Variants in NTM observed in about 807,000 individuals in gnomAD.
The protein encoded by NTM is IgLON family member 2.
A neutral mutation model predicts 42.1 loss-of-function variants in NTM; 13 were observed. That is an observed-to-expected ratio of 0.31 (90% CI 0.20 to 0.49). The LOEUF (loss-of-function observed/expected upper bound fraction) is 0.49, where lower values mean the gene tolerates loss of function less well. Among genes scored for constraint, NTM ranks in the 20% least tolerant of loss-of-function variants. The pLI is 0.99. For synonymous variants in NTM, 187 were observed against 179.2 expected (o/e 1.04, Z -0.35); for missense variants, 373 against 452.8 (o/e 0.82, Z 1.60).
chr11:131,412,172 G>C (rs529550621), intron 1 of NTM, among the ~76,000 whole-genome samples: 9 of 152,286 alleles, frequency 5.9e-5, no homozygotes, highest in African/African-American at 1.9e-4. Flanking sequence ...GGAAACTCCT[G>C]CCAGAAGGGA....
chr11:131,595,992 C>T (rs2059781870), intron 1 of NTM, among the ~76,000 whole-genome samples: 1 of 152,220 alleles, frequency 6.6e-6, no homozygotes, highest in African/African-American at 2.4e-5. Flanking sequence ...ATTGCAGTCA[C>T]CATCTGCATG....
At position 132,310,747 on chromosome 11, in the gene NTM, T is replaced by C. The variant is rs531864081; in HGVS notation, c.782+515T>C. 2.6e-5 allele frequency among the ~76,000 whole-genome samples: 4 copies of C among 152,266 alleles called. No individual in the cohort carries two copies. The South Asian group carries it at 6.2e-4, about 24-fold the overall frequency. ...TCCCTTTGTGCCCAAGTTGTTCTTT[T>C]ACTGTAGGAGAAAAGAGAAGGGACT... On this transcript the variant is annotated intron_variant, in intron 6 of 8. Transcript: ENST00000683400.
At chr11:131,556,716 C>T (rs1007465304) in intron 1 of NTM, among the ~76,000 whole-genome samples, 7 of 151,798 alleles carry the variant, frequency 4.6e-5, no homozygotes, top group South Asian at 2.1e-4. Flanking sequence ...TACAGGCATG[C>T]GCCACCACAC....
At chr11:131,469,225 G>T (rs750391241) in intron 1 of NTM, among the ~76,000 whole-genome samples, 1 of 152,266 alleles carries the variant, frequency 6.6e-6, no homozygotes, top group Admixed American at 6.5e-5. Context: ...CTCTGTGAAT[G>T]CTTCTGTAAG....
At chr11:131,585,688 A>AG (rs1246741624) in intron 1 of NTM, among the ~76,000 whole-genome samples, 1 of 152,006 alleles carries the variant, frequency 6.6e-6, no homozygotes, top group African/African-American at 2.4e-5. Flanking sequence ...GCCTCTATGT[A>AG]GGGCATTTCA....
Position 131,956,370 on chromosome 11 carries a change from G to A in NTM, c.167+44722G>A, listed in dbSNP as rs2061556158. ...CATTAAAAAGGCATTTGGGAGTGCGGGGATATGGAGAAAGATGATGAGCTT... is the reference window on the plus strand; with the variant it reads ...CATTAAAAAGGCATTTGGGAGTGCGAGGATATGGAGAAAGATGATGAGCTT... On this transcript the variant is annotated intron_variant, in intron 2 of 8. Coordinates refer to ENST00000683400, the MANE Select transcript of NTM (RefSeq NM_001352005.2). Among the ~76,000 whole-genome samples the A allele has an allele frequency of 5.3e-5, 8 of 152,138 alleles. No individual in the cohort carries two copies. The South Asian group carries it at 1.7e-3, about 32-fold the overall frequency.
intron 1 of NTM, among the ~76,000 whole-genome samples, chr11:131,658,721 G>A (rs2067545799): frequency 6.6e-6 from 1 of 152,192 alleles, no homozygotes; most frequent in African/African-American, 2.4e-5. Context: ...TGTAATTCCA[G>A]CACTTTGGGA....
intron 3 of NTM, among the ~76,000 whole-genome samples, chr11:132,184,490 G>A (rs1488406341): frequency 1.3e-5 from 2 of 152,124 alleles, no homozygotes; most frequent in East Asian, 3.9e-4. Flanking sequence ...GCTTAAGGTG[G>A]AGAGCTGCTT....
intron 1 of NTM, among the ~76,000 whole-genome samples, chr11:131,695,084 G>A (rs900182836): frequency 6.6e-6 from 1 of 152,160 alleles, no homozygotes; most frequent in African/African-American, 2.4e-5. Flanking sequence ...CAGGGGAAAC[G>A]CACGATGCGT....
chr11:132,293,581 T>A (rs956549433), intron 4 of NTM, among the ~76,000 whole-genome samples: 1 of 152,086 alleles, frequency 6.6e-6, no homozygotes, highest in Non-Finnish European at 1.5e-5. Flanking sequence ...CATAGATGAC[T>A]GGAGATTTAC....
At chr11:132,192,937 C>A (rs2079548636) in intron 3 of NTM, among the ~76,000 whole-genome samples, 2 of 152,150 alleles carry the variant, frequency 1.3e-5, no homozygotes, top group Non-Finnish European at 2.9e-5. Context: ...GGGCTCAATT[C>A]AACAAGAAAA....
At chr11:131,487,619 T>C (rs924805810) in intron 1 of NTM, among the ~76,000 whole-genome samples, 5 of 152,202 alleles carry the variant, frequency 3.3e-5, no homozygotes, top group Non-Finnish European at 5.9e-5. Flanking sequence ...CAAGTGAAGA[T>C]ATGGTATTGA....
At chr11:131,552,808 A>G (rs1592028845) in intron 1 of NTM, among the ~76,000 whole-genome samples, 1 of 104,040 alleles carries the variant, frequency 9.6e-6, no homozygotes, top group South Asian at 4.6e-4. Flanking sequence ...ACAGAGCAAG[A>G]CTCCGTCTCA....
chr11:131,660,759 C>A (rs1565388650), intron 1 of NTM: 3 of 765,096 alleles, frequency 3.9e-6, no homozygotes, highest in East Asian at 6.5e-5. Context: ...GGAGACTGGG[C>A]CCTGGGGATA....
chr11:131,708,960 C>T (rs1224157475), intron 1 of NTM, among the ~76,000 whole-genome samples: 3 of 152,066 alleles, frequency 2.0e-5, no homozygotes, highest in Non-Finnish European at 4.4e-5. Context: ...TGAATTGTAA[C>T]GGTCCTCACT....
At chr11:131,525,293 G>C (rs944796106) in intron 1 of NTM, among the ~76,000 whole-genome samples, 7 of 152,192 alleles carry the variant, frequency 4.6e-5, no homozygotes. Flanking sequence ...GCCCATCACA[G>C]GGCATTGGCA....
intron 1 of NTM, among the ~76,000 whole-genome samples, chr11:131,616,740 G>T (rs1443796403): frequency 1.3e-5 from 2 of 151,648 alleles, no homozygotes; most frequent in African/African-American, 4.9e-5. Flanking sequence ...AGGAAACTCA[G>T]ATTGAGACAG....
intron 4 of NTM, among the ~76,000 whole-genome samples, chr11:132,291,060 T>TG (rs1365947734): frequency 6.6e-6 from 1 of 152,230 alleles, no homozygotes; most frequent in African/African-American, 2.4e-5. Flanking sequence ...GTGTTTGGGA[T>TG]GATGGTATCG....
At chr11:132,065,342 T>C (rs1790171) in intron 2 of NTM, among the ~76,000 whole-genome samples, 102,423 of 152,028 alleles carry the variant, frequency 0.67, 35,905 homozygotes, top group African/African-American at 0.84. Flanking sequence ...TAGTTTTCTG[T>C]CTCCTCAAAC....
Sources: allele counts gnomAD v4.1 joint callset (sites outside exome capture counted in the v4.1 genomes callset), GRCh38; gene constraint gnomAD v4.1.1; transcripts MANE v1.5; gene names NCBI Gene and HGNC (gene_info 2026-07-23, HGNC 2026-07-21).